The following CD55 variants were observed in gnomAD, a reference collection of about 807,000 sequenced individuals.
The protein encoded by CD55 is CD55 molecule (Cromer blood group), also known as complement decay-accelerating factor.
A neutral mutation model predicts 45.8 loss-of-function variants in CD55; 41 were observed. That is an observed-to-expected ratio of 0.90 (90% CI 0.70 to 1.16). CD55 has a LOEUF of 1.16. CD55 is among the 50% of genes most tolerant of loss of function. The pLI, the probability that CD55 is intolerant of heterozygous loss-of-function variation, is 0.00. For missense variants in CD55, 416 were observed against 469.8 expected (o/e 0.89, Z 1.06); for synonymous variants, 181 against 181.1 (o/e 1.00, Z 0.01).
rs1291847793 is a variant in CD55 at position 207,337,323 on chromosome 1, T to A, written c.980-6T>A. 1 of 1,583,242 alleles carries A rather than the reference T, an allele frequency of 6.3e-7. No homozygotes were observed. Among genetic ancestry groups the A allele is most frequent in the Non-Finnish European group, 8.7e-7 (1 of 1,152,174 alleles). On this transcript the variant is annotated splice_polypyrimidine_tract_variant and splice_region_variant and intron_variant, in intron 7 of 9. Transcript: ENST00000367064. ...ACACAAAGATTCCCTTCTGCTCATA[T>A]TACAGCAACACGGAGTACACCTGTT... is the stretch of plus-strand genomic sequence containing the variant.
intron 4 of CD55, among the ~76,000 whole-genome samples, chr1:207,326,342 C>T (rs1194609420): frequency 3.3e-5 from 5 of 152,224 alleles, no homozygotes; most frequent in African/African-American, 4.8e-5. Context: ...GTCTCCTATA[C>T]GAAACACAGA....
chr1:207,354,332 T>G (rs1656000597), intron 9 of CD55: 1 of 625,056 alleles, frequency 1.6e-6, no homozygotes, highest in South Asian at 7.1e-5. Context: ...AAACAAGATA[T>G]TAAGTGCAAT....
chr1:207,345,806 G>T (rs1468976871), intron 9 of CD55, among the ~76,000 whole-genome samples: 2 of 152,228 alleles, frequency 1.3e-5, no homozygotes, highest in Non-Finnish European at 2.9e-5. Context: ...CTGGGTGCAT[G>T]CAGTAGTGTA....
At chr1:207,350,100 CA>C (rs1294252994) in intron 9 of CD55, 1 of 454,298 alleles carries the variant, frequency 2.2e-6, no homozygotes, top group African/African-American at 2.0e-5. Flanking sequence ...GCCTTTTCTA[CA>C]ACAATTGAGA....
At chr1:207,329,509 G>T (rs926574660) in intron 5 of CD55, among the ~76,000 whole-genome samples, 2 of 152,134 alleles carry the variant, frequency 1.3e-5, no homozygotes, top group South Asian at 4.1e-4. Context: ...TTAGTATAGT[G>T]TACAAGGCAG....
intron 8 of CD55, 152 bp downstream of exon 8, chr1:207,337,561 C>T (rs1177348210): frequency 3.3e-5 from 18 of 542,458 alleles, no homozygotes; most frequent in Non-Finnish European, 5.6e-5. Flanking sequence ...TGGAAGCGGA[C>T]TTGGATTGTA....
chr1:207,332,845 C>T (rs1655009490), intron 6 of CD55, among the ~76,000 whole-genome samples: 2 of 152,010 alleles, frequency 1.3e-5, no homozygotes, highest in African/African-American at 2.4e-5. Flanking sequence ...ACTAAAATTC[C>T]TGGGGGCAGG....
Position 207,321,824 on chromosome 1 carries a change from G to A in CD55, c.59G>A (p.Arg20Gln). Residue 20 changes from arginine to glutamine, a missense_variant, in exon 1 of 10, where the codon CGG becomes CAG. This residue lies in a region of CD55 where 123 missense variants were observed against 105.1 expected (regional missense o/e 1.17). Transcript: ENST00000367064. Reference sequence around the variant, plus strand: ...CTGCCCCTCCTCGGGGAGCTGCCCCGGCTGCTGCTGCTGGTGCTGTTGTGC... The same window carrying A: ...CTGCCCCTCCTCGGGGAGCTGCCCCAGCTGCTGCTGCTGGTGCTGTTGTGC... ...AALPLLGELP[R>Q]LLLLVLLCLP... 2.0e-6 allele frequency: 3 copies of A among 1,529,714 alleles called. No homozygotes were observed. The highest frequency in any genetic ancestry group is 1.2e-5 in the South Asian group (1 of 83,602). The allele number at this position is 1,529,714 out of a possible 1,614,324, so 94.8% of individuals were successfully genotyped here.
At chr1:207,340,077 G>A (rs943448240) in intron 9 of CD55, among the ~76,000 whole-genome samples, 4 of 151,992 alleles carry the variant, frequency 2.6e-5, no homozygotes, top group African/African-American at 9.7e-5. Context: ...CTATCTAATT[G>A]TATGTTTATA....
chr1:207,328,686 A>G (rs1654797641), intron 5 of CD55, among the ~76,000 whole-genome samples: 1 of 152,172 alleles, frequency 6.6e-6, no homozygotes, highest in East Asian at 1.9e-4. Flanking sequence ...TCCCTGCTAT[A>G]TGACTATCAT....
intron 9 of CD55, chr1:207,347,264 C>T (rs994243569): frequency 2.2e-6 from 1 of 447,588 alleles, no homozygotes; most frequent in Non-Finnish European, 4.5e-6. Flanking sequence ...TGGGTAAACA[C>T]ATTTTTTTTT....
intron 6 of CD55, among the ~76,000 whole-genome samples, chr1:207,333,115 T>G (rs1655021417): frequency 6.6e-6 from 1 of 152,240 alleles, no homozygotes; most frequent in Admixed American, 6.5e-5. Flanking sequence ...CCAGAGCTTC[T>G]AAAGTACAAA....
intron 9 of CD55, among the ~76,000 whole-genome samples, chr1:207,353,823 G>A (rs746112399): frequency 1.4e-4 from 21 of 152,172 alleles, no homozygotes; most frequent in Non-Finnish European, 2.2e-4. Flanking sequence ...TTTACAAAAT[G>A]GAAAATTTAA....
chr1:207,322,072 AGG>A (rs1654436648), intron 1 of CD55, among the ~76,000 whole-genome samples: 1 of 152,108 alleles, frequency 6.6e-6, no homozygotes, highest in Non-Finnish European at 1.5e-5. Context: ...ACTTGGCTTT[AGG>A]GGTCGGCGTG....
rs531009640 is a variant in CD55, at chr1:207,331,969, G to A, written c.853+673G>A. 3.7e-4 allele frequency among the ~76,000 whole-genome samples: 56 copies of A among 152,154 alleles called. 1 individual carries two copies. Among genetic ancestry groups the A allele is most frequent in the Middle Eastern group, 6.8e-3 (2 of 294 alleles). On this transcript the variant is annotated intron_variant, in intron 6 of 9. Coordinates refer to ENST00000367064, the MANE Select transcript of CD55 (RefSeq NM_000574.5). ...GAATACCAACATGACTCAAGCATTT[G>A]AGTATTTACTTTTATAATTATAATT... is the stretch of plus-strand genomic sequence containing the variant.
rs75883847 is a variant in CD55, at chr1:207,342,980, A to G, written c.1081+3563A>G. ...TTCCTCTAGGTTTTCCAGTTTGTCAATGTATAGGTGTTTATAATAGTCTCT... is the reference window on the plus strand; with the variant it reads ...TTCCTCTAGGTTTTCCAGTTTGTCAGTGTATAGGTGTTTATAATAGTCTCT... On this transcript the variant is annotated intron_variant, in intron 9 of 9. Transcript: ENST00000367064. 7.5e-3 allele frequency among the ~76,000 whole-genome samples: 1,141 copies of G among 152,046 alleles called. 14 individuals carry two copies. The highest frequency in any genetic ancestry group is 0.026 in the African/African-American group (1,085 of 41,502).
intron 9 of CD55, among the ~76,000 whole-genome samples, chr1:207,358,130 A>C (rs931381184): frequency 6.6e-6 from 1 of 152,190 alleles, no homozygotes; most frequent in South Asian, 2.1e-4. Flanking sequence ...AGGGAAAGTC[A>C]TGCAAACTCC....
chr1:207,324,494 A>C, intron 2 of CD55, 65 bp from the exon 3 acceptor site: 1 of 1,092,120 alleles, frequency 9.2e-7, no homozygotes, highest in Non-Finnish European at 1.3e-6. Flanking sequence ...CAGATAATTA[A>C]ATATAGATTA....
At chr1:207,340,815 T>TG (rs1349762404) in intron 9 of CD55, 3 of 427,632 alleles carry the variant, frequency 7.0e-6, no homozygotes, top group Non-Finnish European at 1.2e-5. Context: ...TACCCAGTAG[T>TG]GGGATTGCTG....
Sources: allele counts gnomAD v4.1 joint callset (sites outside exome capture counted in the v4.1 genomes callset), GRCh38; gene constraint gnomAD v4.1.1; regional missense constraint gnomAD v4.1.1; transcripts MANE v1.5; gene names NCBI Gene and HGNC (gene_info 2026-07-23, HGNC 2026-07-21).